The following INTS6L variants were observed in gnomAD, a reference collection of about 807,000 sequenced individuals.
INTS6L encodes the protein integrator complex subunit 6-like.
A neutral mutation model predicts 64.7 loss-of-function variants in INTS6L; 18 were observed. The ratio of observed to expected loss-of-function variants is 0.28; its 90% CI spans 0.19 to 0.41. The LOEUF (loss-of-function observed/expected upper bound fraction) is 0.41. Among genes scored for constraint, INTS6L ranks in the 10% least tolerant of loss-of-function variants. INTS6L has a pLI of 1.00. For missense variants in INTS6L, 533 were observed against 661.0 expected (o/e 0.81, Z 2.12); for synonymous variants, 227 against 235.9 (o/e 0.96, Z 0.34).
intron 2 of INTS6L, among the ~76,000 whole-genome samples, chrX:135,521,533 G>A (rs1441425207): frequency 2.7e-5 from 3 of 110,939 alleles, no homozygotes. Flanking sequence ...GAGCAGCCCC[G>A]GGGAGAAACC....
intron 2 of INTS6L, among the ~76,000 whole-genome samples, chrX:135,526,137 C>T (rs2085728757): frequency 9.0e-6 from 1 of 111,486 alleles, no homozygotes; most frequent in Non-Finnish European, 1.9e-5. Flanking sequence ...ATTTGCTCCT[C>T]GTTTCAACCT....
In INTS6L at chrX:135,546,473, A is replaced by C; in HGVS notation, c.429+4A>C. Reference sequence around the variant, plus strand: ...TACTGCTGGTGTTCAAGAAGAGGTGAGATTTTATTTTTTTTTTAATTTTGT... The same window carrying C: ...TACTGCTGGTGTTCAAGAAGAGGTGCGATTTTATTTTTTTTTTAATTTTGT... On this transcript the variant is annotated splice_donor_region_variant and intron_variant, in intron 4 of 17. Coordinates refer to ENST00000639893, the MANE Select transcript of INTS6L (RefSeq NM_001351601.3). 8.7e-7 allele frequency: 1 copy of C among 1,153,521 alleles called. No homozygotes were observed. The highest frequency in any genetic ancestry group is 1.2e-6 in the Non-Finnish European group (1 of 867,287).
chrX:135,579,326 AG>A (rs2148680468), intron 15 of INTS6L, among the ~76,000 whole-genome samples: 1 of 112,429 alleles, frequency 8.9e-6, no homozygotes, highest in South Asian at 3.7e-4. Flanking sequence ...GAGTGTGTAT[AG>A]AACTTTCAGC....
chrX:135,546,466 A>G lies in INTS6L; in HGVS notation c.426A>G (p.Glu142=). The part of the protein sequence containing the change: ...NKLTSTAGVQ[E]ELHLPLNSPL... ...TAACAAGTACTGCTGGTGTTCAAGA[A>G]GAGGTGAGATTTTATTTTTTTTTTA... Residue 142 remains glutamate, a synonymous_variant, in exon 4 of 18, where the codon GAA becomes GAG. Transcript: ENST00000639893. 1 of 1,162,969 alleles carries G rather than the reference A, an allele frequency of 8.6e-7. No individual in the cohort carries two copies. The highest frequency in any genetic ancestry group is 1.1e-6 in the Non-Finnish European group (1 of 873,517).
chrX:135,578,800 C>G (rs1556532468), intron 15 of INTS6L, among the ~76,000 whole-genome samples: 1 of 111,705 alleles, frequency 9.0e-6, no homozygotes, highest in Non-Finnish European at 1.9e-5. Context: ...CTTATCCCAG[C>G]TTCATGTTTC....
chrX:135,520,767 C>G lies in INTS6L; in HGVS notation c.-226C>G, dbSNP rs1166322660. The stretch of plus-strand genomic sequence containing the variant: ...AGAGGAAGGGGGAGGGCCCCGAGGG[C>G]TACACACGCTCACACTTTCAAGTTC... On this transcript the variant is annotated 5_prime_UTR_variant, in exon 1 of 18. Transcript: ENST00000639893. The G allele has an allele frequency of 7.7e-6, 3 of 391,286 alleles. No homozygotes were observed. Among genetic ancestry groups the G allele is most frequent in the Non-Finnish European group, 1.3e-5 (3 of 225,518 alleles). The allele number at this position is 391,286 out of a possible 1,213,427, so 32.2% of individuals were successfully genotyped here.
At chrX:135,571,289 T>A (rs1556527385) in intron 11 of INTS6L, 1 of 112,591 alleles carries the variant, frequency 8.9e-6, no homozygotes, top group African/African-American at 3.2e-5. Context: ...CATATGAATG[T>A]GTTATGTTAT....
In INTS6L at chrX:135,546,815, C is replaced by G. The variant is rs142715871; in HGVS notation, c.543C>G (p.Thr181=). The G allele has an allele frequency of 2.1e-4, 256 of 1,209,699 alleles. No homozygotes were observed. The highest frequency in any genetic ancestry group is 2.8e-4 in the Non-Finnish European group (249 of 895,068). Residue 181 remains threonine (T), a synonymous_variant, in exon 5 of 18, where the codon ACC becomes ACG. Coordinates refer to ENST00000639893, the MANE Select transcript of INTS6L (RefSeq NM_001351601.3). ...TGCGTTTGCCTGGAGTGGCTTCTAC[C>G]GAACCAGAGCAACTAGGGAGCGTAC... The part of the protein sequence containing the change: ...LVLRLPGVAS[T]EPEQLGSVPT...
intron 2 of INTS6L, among the ~76,000 whole-genome samples, chrX:135,530,622 C>T (rs2085882261): frequency 8.9e-6 from 1 of 112,182 alleles, no homozygotes. Flanking sequence ...TTTTTAAAAA[C>T]GTCTGGAATA....
chrX:135,546,573 A>T, intron 4 of INTS6L, 104 bp downstream of exon 4: 2 of 996,305 alleles, frequency 2.0e-6, no homozygotes, highest in Admixed American at 3.1e-5. Flanking sequence ...CAAATCATCC[A>T]TCTTGGTAAT....
Position 135,545,440 on chromosome X carries a change from T to G in INTS6L, c.207T>G (p.Asn69Lys). Residue 69 changes from asparagine to lysine, a missense_variant, in exon 3 of 18, where the codon AAT becomes AAG. Physicochemically the swap from Asn to Lys is moderately conservative, Grantham distance 94. Transcript: ENST00000639893. Reference protein sequence around the residue: ...PYCIKAGWKENHATFMSELKN... With the variant: ...PYCIKAGWKEKHATFMSELKN... ...GTTTGCAGGCTGGTTGGAAGGAAAA[T>G]CATGCAACATTCATGAGCGAACTAA... 3 of 1,209,044 alleles carry G rather than the reference T, an allele frequency of 2.5e-6. No homozygotes were observed. Among genetic ancestry groups the G allele is most frequent in the Non-Finnish European group, 3.4e-6 (3 of 894,914 alleles).
At chrX:135,550,705 T>C (rs1308243665) in intron 7 of INTS6L, among the ~76,000 whole-genome samples, 1 of 111,879 alleles carries the variant, frequency 8.9e-6, no homozygotes, top group African/African-American at 3.3e-5. Context: ...CTGCCCTTTT[T>C]TCAGAAGTGG....
chrX:135,565,576 T>A (rs989182233), intron 9 of INTS6L, among the ~76,000 whole-genome samples: 4 of 111,719 alleles, frequency 3.6e-5, no homozygotes, highest in Non-Finnish European at 7.5e-5. Context: ...ATGTGTGGCA[T>A]CTGTGCCTGG....
intron 9 of INTS6L, among the ~76,000 whole-genome samples, 166 bp downstream of exon 9, chrX:135,556,466 A>G (rs2086651308): frequency 8.9e-6 from 1 of 111,969 alleles, no homozygotes; most frequent in African/African-American, 3.2e-5. Context: ...TTGTTTTTAC[A>G]TCAAACAGAA....
At chrX:135,578,055 TAATAGCA>T (rs1360616308) in intron 15 of INTS6L, among the ~76,000 whole-genome samples, 2 of 111,763 alleles carry the variant, frequency 1.8e-5, no homozygotes, top group Non-Finnish European at 3.8e-5. Context: ...CTTTTCCCTC[TAATAGCA>T]ACTCCCTTTC....
chrX:135,553,084 CAG>C (rs1259403336), intron 8 of INTS6L, among the ~76,000 whole-genome samples: 2 of 112,100 alleles, frequency 1.8e-5, no homozygotes, highest in Admixed American at 9.4e-5. Context: ...GCACAAGAAA[CAG>C]AATAATCTCA....
intron 2 of INTS6L, among the ~76,000 whole-genome samples, chrX:135,535,340 G>T (rs1285339424): frequency 1.8e-5 from 2 of 112,368 alleles, no homozygotes; most frequent in Non-Finnish European, 3.8e-5. Flanking sequence ...ACAGTGTTCT[G>T]TTACCTAAGA....
intron 2 of INTS6L, among the ~76,000 whole-genome samples, chrX:135,521,776 CCTG>C (rs2085574363): frequency 1.9e-5 from 2 of 103,458 alleles, no homozygotes; most frequent in Non-Finnish European, 4.0e-5. Context: ...CCGGACGGAG[CCTG>C]CGACTCCGCC....
rs1213024785 is a variant in INTS6L, at chrX:135,556,172, T to A, written c.1064T>A (p.Phe355Tyr). Residue 355 changes from phenylalanine (F) to tyrosine (Y), a missense_variant, in exon 9 of 18, where the codon TTT (phenylalanine) becomes TAT (tyrosine). Phe to Tyr is a conservative substitution (Grantham distance 22). Coordinates refer to ENST00000639893, the MANE Select transcript of INTS6L (RefSeq NM_001351601.3). ...ATTACTTCATGTTATTCTCAGGTAT[T>A]TGTTACTAGCAGTGGAAAGTACAAT... ...RKSPHTCWQV[F>Y]VTSSGKYNEL... 7 of 1,176,160 alleles carry A rather than the reference T, an allele frequency of 6.0e-6. No individual in the cohort carries two copies. The African/African-American group carries it at 1.3e-4, about 21-fold the overall frequency.
Sources: gnomAD v4.1 joint callset for allele counts (sites outside exome capture counted in the v4.1 genomes callset) on GRCh38, gnomAD v4.1.1 for gene constraint, MANE v1.5 for transcripts, NCBI Gene and HGNC (gene_info 2026-07-23, HGNC 2026-07-21) for gene names.